The following SNX24 variants were observed in gnomAD, a reference collection of about 807,000 sequenced individuals.
The protein encoded by SNX24 is sorting nexin-24.
SNX24 carries 22 observed loss-of-function variants against 28.7 expected under a neutral mutation model. That is an observed-to-expected ratio of 0.77 (90% CI 0.55 to 1.10). The LOEUF (loss-of-function observed/expected upper bound fraction) is 1.10. Among genes scored for constraint, SNX24 ranks in the 50% least tolerant of loss-of-function variants. The probability of loss-of-function intolerance (pLI) is 0.00; values close to 1 mark genes in which losing one functional copy is unlikely to be tolerated. For synonymous variants in SNX24, 69 were observed against 71.5 expected (o/e 0.96, Z 0.18); for missense variants, 221 against 201.1 (o/e 1.10, Z -0.60).
chr5:122,889,536 A>G (rs1756858069), intron 1 of SNX24, among the ~76,000 whole-genome samples: 1 of 151,724 alleles, frequency 6.6e-6, no homozygotes, highest in African/African-American at 2.4e-5. Flanking sequence ...AAATGGAAAA[A>G]GACTAAAACC....
chr5:122,932,838 G>A (rs185821261), intron 1 of SNX24, among the ~76,000 whole-genome samples: 17 of 138,312 alleles, frequency 1.2e-4, no homozygotes, highest in African/African-American at 3.5e-4. Context: ...CAGCCGGGGC[G>A]ACAGAGCAAG....
At chr5:122,874,887 T>G (rs545928978) in intron 1 of SNX24, among the ~76,000 whole-genome samples, 2 of 152,322 alleles carry the variant, frequency 1.3e-5, no homozygotes, top group East Asian at 3.9e-4. Context: ...AGGAATTGTT[T>G]TAATCAAATG....
chr5:123,021,110 C>CCG (rs1554081407), intron 5 of SNX24, among the ~76,000 whole-genome samples: 1 of 151,752 alleles, frequency 6.6e-6, no homozygotes, highest in African/African-American at 2.4e-5. Context: ...CAGTTCCCCC[C>CCG]CCGTCCCCAT....
chr5:122,923,857 A>C (rs1758555424), intron 1 of SNX24, among the ~76,000 whole-genome samples: 1 of 152,250 alleles, frequency 6.6e-6, no homozygotes, highest in South Asian at 2.1e-4. Context: ...TGGTTAAAAA[A>C]ATAATGATTC....
intron 1 of SNX24, among the ~76,000 whole-genome samples, chr5:122,884,186 G>A (rs988121193): frequency 6.0e-5 from 9 of 150,208 alleles, no homozygotes; most frequent in African/African-American, 2.2e-4. Flanking sequence ...AGTCTGATTT[G>A]AATTCTGGAT....
intron 5 of SNX24, among the ~76,000 whole-genome samples, chr5:123,027,489 G>A (rs773744790): frequency 2.6e-5 from 4 of 152,122 alleles, no homozygotes; most frequent in Non-Finnish European, 4.4e-5. Context: ...AGCACCGAGG[G>A]CACGGGCACC....
downstream of SNX24, among the ~76,000 whole-genome samples, chr5:123,014,203 G>A (rs907982357): frequency 3.3e-5 from 5 of 152,214 alleles, no homozygotes; most frequent in South Asian, 2.1e-4. Context: ...GTCTCCCACT[G>A]TTGCCCAGGC....
chr5:123,003,463 T>C (rs1185090924), intron 6 of SNX24, among the ~76,000 whole-genome samples: 3 of 150,706 alleles, frequency 2.0e-5, no homozygotes, highest in Non-Finnish European at 4.5e-5. Flanking sequence ...GATAGTTTTA[T>C]AAATTATTCT....
At chr5:122,870,000 G>A (rs1755901512) in intron 1 of SNX24, among the ~76,000 whole-genome samples, 1 of 151,948 alleles carries the variant, frequency 6.6e-6, no homozygotes, top group South Asian at 2.1e-4. Flanking sequence ...GTACAAAGTA[G>A]TATAACTTTT....
At chr5:123,025,294 T>TA (rs1009769786) in intron 5 of SNX24, among the ~76,000 whole-genome samples, 8 of 152,160 alleles carry the variant, frequency 5.3e-5, no homozygotes, top group Non-Finnish European at 7.3e-5. Flanking sequence ...ACCTATTAAA[T>TA]ACAACATCCC....
chr5:122,853,276 G>A (rs1180811912), intron 1 of SNX24, among the ~76,000 whole-genome samples: 2 of 151,792 alleles, frequency 1.3e-5, no homozygotes, highest in South Asian at 2.1e-4. Context: ...ACAGGCACCC[G>A]CCACCAAGGC....
At chr5:122,912,378 A>T (rs909264750) in intron 1 of SNX24, among the ~76,000 whole-genome samples, 2 of 151,592 alleles carry the variant, frequency 1.3e-5, no homozygotes, top group African/African-American at 4.9e-5. Context: ...GGGCTGAGAC[A>T]ATGGGGTTTT....
At chr5:122,959,872 C>T (rs1760401892) in intron 3 of SNX24, among the ~76,000 whole-genome samples, 1 of 152,076 alleles carries the variant, frequency 6.6e-6, no homozygotes, top group Admixed American at 6.5e-5. Flanking sequence ...AAACAGCTCA[C>T]TCTACATAGA....
At chr5:123,009,734 G>C (rs1443390989), downstream of SNX24, among the ~76,000 whole-genome samples, 1 of 151,256 alleles carries the variant, frequency 6.6e-6, no homozygotes, top group Non-Finnish European at 1.5e-5. Context: ...AGGCTATAAT[G>C]CTGAAAACTG....
chr5:123,013,053 A>T (rs1246454984), downstream of SNX24, among the ~76,000 whole-genome samples: 1 of 152,206 alleles, frequency 6.6e-6, no homozygotes, highest in Non-Finnish European at 1.5e-5. Context: ...CCAAGAGAAC[A>T]TCTGTTCAAC....
chr5:122,993,297 C>CTTTT (rs34422739), intron 3 of SNX24, among the ~76,000 whole-genome samples: 2 of 114,192 alleles, frequency 1.8e-5, no homozygotes, highest in South Asian at 2.8e-4. Flanking sequence ...TAGTGGCTGC[C>CTTTT]TTTTTTTTTT....
At chr5:122,969,335 G>C (rs991674553) in intron 3 of SNX24, among the ~76,000 whole-genome samples, 3 of 152,046 alleles carry the variant, frequency 2.0e-5, no homozygotes, top group African/African-American at 7.3e-5. Context: ...TTCTAGTTGT[G>C]GCAATGGAGT....
chr5:123,004,822 C>T (rs1278926113), intron 6 of SNX24, among the ~76,000 whole-genome samples: 1 of 152,182 alleles, frequency 6.6e-6, no homozygotes, highest in Non-Finnish European at 1.5e-5. Context: ...CATTGAATGC[C>T]ACGGCTTCAG....
chr5:123,018,843 T>C (rs1285072301), intron 5 of SNX24, among the ~76,000 whole-genome samples: 1 of 152,104 alleles, frequency 6.6e-6, no homozygotes, highest in Non-Finnish European at 1.5e-5. Flanking sequence ...CCTGCCACCA[T>C]GCCCTGCTAA....
Sources: allele counts gnomAD v4.1 joint callset (sites outside exome capture counted in the v4.1 genomes callset), GRCh38; gene constraint gnomAD v4.1.1; transcripts MANE v1.5; gene names NCBI Gene and HGNC (gene_info 2026-07-23, HGNC 2026-07-21).